Variants in FRMD4A observed in about 807,000 individuals in gnomAD.
FRMD4A encodes the protein FERM domain containing 4A, also known as FERM domain-containing protein 4A.
FRMD4A carries 29 observed loss-of-function variants against 129.1 expected under a neutral mutation model. The observed-to-expected ratio is 0.22, with a 90% CI of 0.17 to 0.31. The LOEUF is 0.31. Among genes scored for constraint, FRMD4A ranks in the 10% least tolerant of loss-of-function variants. FRMD4A has a pLI of 1.00. For synonymous variants in FRMD4A, 634 were observed against 571.6 expected, an observed-to-expected ratio of 1.11 and a Z score of -1.56; for missense variants, 1,272 against 1,375.8, an observed-to-expected ratio of 0.92 and a Z score of 1.19.
intron 2 of FRMD4A, among the ~76,000 whole-genome samples, chr10:14,067,545 G>T (rs1052009741): frequency 6.6e-6 from 1 of 151,962 alleles, no homozygotes; most frequent in Non-Finnish European, 1.5e-5. Context: ...GAGGCCGGGC[G>T]CAGTGGCTCA....
chr10:14,309,144 C>T (rs539208583), intron 2 of FRMD4A, among the ~76,000 whole-genome samples: 1 of 152,288 alleles, frequency 6.6e-6, no homozygotes, highest in African/African-American at 2.4e-5. Context: ...TCAACAACAT[C>T]GCCTGTTAAA....
chr10:13,682,497 CTTT>C (rs1170963559), intron 15 of FRMD4A, among the ~76,000 whole-genome samples: 46 of 55,794 alleles, frequency 8.2e-4, no homozygotes, highest in Non-Finnish European at 1.6e-3. Context: ...TTCTTTCTTT[CTTT>C]TTTTTTTTTT....
chr10:14,257,546 T>A (rs1168058055), intron 2 of FRMD4A, among the ~76,000 whole-genome samples: 1 of 152,226 alleles, frequency 6.6e-6, no homozygotes, highest in Non-Finnish European at 1.5e-5. Flanking sequence ...CCTGGTGCCT[T>A]ACAATGTGAT....
chr10:14,178,217 A>G (rs758806766), intron 2 of FRMD4A, among the ~76,000 whole-genome samples: 2 of 152,204 alleles, frequency 1.3e-5, no homozygotes, highest in Non-Finnish European at 2.9e-5. Flanking sequence ...TAAGACATAC[A>G]AAGACTTAAA....
chr10:14,276,618 TAAAATTGTG>T (rs977191811), intron 2 of FRMD4A, among the ~76,000 whole-genome samples: 17 of 152,042 alleles, frequency 1.1e-4, no homozygotes, highest in African/African-American at 4.1e-4. Context: ...CAAAGTTGGG[TAAAATTGTG>T]TGAGAAGAGA....
intron 2 of FRMD4A, among the ~76,000 whole-genome samples, chr10:14,016,627 A>G (rs2095700014): frequency 6.6e-6 from 1 of 152,222 alleles, no homozygotes; most frequent in Admixed American, 6.5e-5. Context: ...ATTTCATTTG[A>G]GTAACTATGA....
At chr10:13,673,941 A>AT (rs1311375005) in intron 16 of FRMD4A, among the ~76,000 whole-genome samples, 1 of 151,536 alleles carries the variant, frequency 6.6e-6, no homozygotes, top group Non-Finnish European at 1.5e-5. Flanking sequence ...ACCTCTGGCT[A>AT]TTTTTTTGTA....
At position 14,188,079 on chromosome 10, in the gene FRMD4A, G is replaced by A. The variant is rs150651854; in HGVS notation, c.45+141979C>T. On this transcript the variant is annotated intron_variant, in intron 2 of 24. Coordinates refer to ENST00000357447, the MANE Select transcript of FRMD4A (RefSeq NM_018027.5). ...TTCCCCCAAAGGAGCTCCTTCCTTA[G>A]ACTCTCCAGGTGCTGTCCTTGATGC... Among the ~76,000 whole-genome samples the A allele has an allele frequency of 4.9e-4, 74 of 152,220 alleles. No homozygotes were observed. The Middle Eastern group carries it at 0.014, about 28-fold the overall frequency.
intron 13 of FRMD4A, among the ~76,000 whole-genome samples, chr10:13,705,249 A>G (rs2134894215): frequency 6.6e-6 from 1 of 152,324 alleles, no homozygotes; most frequent in East Asian, 1.9e-4. Context: ...GGCCCACTGA[A>G]TAGTCACGTG....
At chr10:14,237,192 C>G (rs1485643542) in intron 2 of FRMD4A, among the ~76,000 whole-genome samples, 1 of 151,966 alleles carries the variant, frequency 6.6e-6, no homozygotes, top group Non-Finnish European at 1.5e-5. Flanking sequence ...CCTGGAGTGA[C>G]GAGCACTGTC....
intron 2 of FRMD4A, among the ~76,000 whole-genome samples, chr10:14,308,398 A>T (rs1352208054): frequency 6.6e-6 from 1 of 151,320 alleles, no homozygotes; most frequent in Non-Finnish European, 1.5e-5. Flanking sequence ...CCAATTTATT[A>T]TTATTTTTTT....
intron 2 of FRMD4A, among the ~76,000 whole-genome samples, chr10:14,157,012 A>C (rs1046864394): frequency 2.6e-5 from 4 of 152,348 alleles, no homozygotes; most frequent in African/African-American, 7.2e-5. Context: ...TGTTTGATAA[A>C]GGAAAAGCTC....
At chr10:13,885,004 C>T (rs1336992529) in intron 2 of FRMD4A, among the ~76,000 whole-genome samples, 1 of 152,182 alleles carries the variant, frequency 6.6e-6, no homozygotes, top group Non-Finnish European at 1.5e-5. Context: ...ATCATATCCC[C>T]CCAAAGTTAG....
Position 13,648,868 on chromosome 10 carries a change from C to T in FRMD4A, c.*3-1833G>A, listed in dbSNP as rs565390959. The T allele has an allele frequency of 9.8e-5, 15 of 152,294 alleles. No homozygotes were observed. In the East Asian group the frequency reaches 1.4e-3, roughly 14 times the overall value. The allele number at this position is 152,294 out of a possible 1,614,324, so 9.4% of individuals were successfully genotyped here. On this transcript the variant is annotated intron_variant, in intron 24 of 24. Coordinates refer to ENST00000357447, the MANE Select transcript of FRMD4A (RefSeq NM_018027.5). Reference sequence around the variant, plus strand: ...ACTTCCCTAAGGGGTTTCATGAGATCTTAGGAACACTTAGCCAGTGTTTCC... The same window carrying T: ...ACTTCCCTAAGGGGTTTCATGAGATTTTAGGAACACTTAGCCAGTGTTTCC...
At chr10:14,122,982 A>T (rs1306134341) in intron 2 of FRMD4A, among the ~76,000 whole-genome samples, 1 of 152,206 alleles carries the variant, frequency 6.6e-6, no homozygotes, top group African/African-American at 2.4e-5. Flanking sequence ...ATCATCCTAC[A>T]GTGGTATAGA....
chr10:14,230,279 C>T (rs994057056), intron 2 of FRMD4A, among the ~76,000 whole-genome samples: 1 of 152,136 alleles, frequency 6.6e-6, no homozygotes, highest in Non-Finnish European at 1.5e-5. Context: ...GTTGTTGTCA[C>T]TGAAGAATGG....
intron 2 of FRMD4A, among the ~76,000 whole-genome samples, chr10:14,093,774 A>G (rs989497287): frequency 7.2e-5 from 11 of 152,216 alleles, no homozygotes; most frequent in African/African-American, 2.7e-4. Flanking sequence ...TATTAGTTAC[A>G]AATGTCACAG....
chr10:14,279,031 G>A (rs1192303861), intron 2 of FRMD4A, among the ~76,000 whole-genome samples: 1 of 152,082 alleles, frequency 6.6e-6, no homozygotes, highest in East Asian at 1.9e-4. Flanking sequence ...ATCTAACAGT[G>A]TTGGGGCCGT....
At chr10:13,688,324 C>T (rs1409738138) in intron 15 of FRMD4A, among the ~76,000 whole-genome samples, 4 of 151,818 alleles carry the variant, frequency 2.6e-5, no homozygotes, top group African/African-American at 4.8e-5. Flanking sequence ...TGTTCTCACT[C>T]ATAGGTGGGA....
Sources: gnomAD v4.1 joint callset for allele counts (sites outside exome capture counted in the v4.1 genomes callset) on GRCh38, gnomAD v4.1.1 for gene constraint, MANE v1.5 for transcripts, NCBI Gene and HGNC (gene_info 2026-07-23, HGNC 2026-07-21) for gene names.